Variants in ELAPOR2 observed in about 807,000 individuals in gnomAD.
ELAPOR2 encodes endosome-lysosome associated apoptosis and autophagy regulator family member 2, also known as endosome/lysosome-associated apoptosis and autophagy regulator family member 2.
A neutral mutation model predicts 120.7 loss-of-function variants in ELAPOR2; 89 were observed. The ratio of observed to expected loss-of-function variants is 0.74; its 90% CI spans 0.62 to 0.88. The LOEUF is 0.88. Among genes scored for constraint, ELAPOR2 ranks in the 40% least tolerant of loss-of-function variants. ELAPOR2 has a pLI of 0.00. For synonymous variants in ELAPOR2, 444 were observed against 444.9 expected (o/e 1.00, Z 0.03); for missense variants, 1,134 against 1,251.6 (o/e 0.91, Z 1.42).
At chr7:87,048,319 G>A (rs1039758545) in intron 1 of ELAPOR2, among the ~76,000 whole-genome samples, 3 of 152,000 alleles carry the variant, frequency 2.0e-5, no homozygotes, top group African/African-American at 7.2e-5. Flanking sequence ...ATGAGATTCT[G>A]TCATTTGCAA....
chr7:87,042,980 C>T (rs1417060474), intron 1 of ELAPOR2, among the ~76,000 whole-genome samples: 2 of 152,178 alleles, frequency 1.3e-5, no homozygotes, highest in Non-Finnish European at 2.9e-5. Flanking sequence ...ATACTACAAA[C>T]ACCTCTACAC....
chr7:86,966,961 T>C (rs867177511), intron 1 of ELAPOR2, among the ~76,000 whole-genome samples: 6 of 152,176 alleles, frequency 3.9e-5, no homozygotes, highest in Non-Finnish European at 8.8e-5. Flanking sequence ...AGATTCTCAC[T>C]TTAAATCTTC....
chr7:86,949,729 A>G (rs1341021969), intron 2 of ELAPOR2, among the ~76,000 whole-genome samples: 2 of 152,178 alleles, frequency 1.3e-5, no homozygotes, highest in Non-Finnish European at 2.9e-5. Context: ...GCACTCTGCT[A>G]ACATACCAGC....
At chr7:86,956,637 C>G (rs1392388099) in intron 2 of ELAPOR2, among the ~76,000 whole-genome samples, 1 of 152,130 alleles carries the variant, frequency 6.6e-6, no homozygotes, top group Non-Finnish European at 1.5e-5. Flanking sequence ...AAGTTCATAT[C>G]TTTTTATAAG....
At chr7:87,043,501 A>C (rs2129016150) in intron 1 of ELAPOR2, among the ~76,000 whole-genome samples, 1 of 151,716 alleles carries the variant, frequency 6.6e-6, no homozygotes, top group South Asian at 2.1e-4. Context: ...ACAGAGCCAA[A>C]GACAAAAACC....
chr7:86,896,895 T>C (rs1257679280), intron 19 of ELAPOR2, among the ~76,000 whole-genome samples: 2 of 152,144 alleles, frequency 1.3e-5, no homozygotes, highest in African/African-American at 2.4e-5. Context: ...TCAAACTTCC[T>C]TCAGACGTTT....
At chr7:87,006,374 G>T (rs919909977) in intron 1 of ELAPOR2, among the ~76,000 whole-genome samples, 7 of 151,798 alleles carry the variant, frequency 4.6e-5, no homozygotes, top group African/African-American at 1.5e-4. Flanking sequence ...AGGCCTGTTG[G>T]GGGGTGGGGG....
At chr7:87,050,076 T>G (rs1334187098) in intron 1 of ELAPOR2, among the ~76,000 whole-genome samples, 1 of 152,168 alleles carries the variant, frequency 6.6e-6, no homozygotes, top group East Asian at 1.9e-4. Flanking sequence ...CTTTCCTACC[T>G]CCTAAACCTG....
intron 2 of ELAPOR2, among the ~76,000 whole-genome samples, chr7:86,962,289 A>G (rs998269458): frequency 2.6e-5 from 4 of 152,242 alleles, no homozygotes; most frequent in African/African-American, 4.8e-5. Flanking sequence ...GAAAAGAGAT[A>G]CCCAATTACA....
chr7:86,947,867 C>T lies in ELAPOR2; in HGVS notation c.366G>A (p.Lys122=), dbSNP rs1791072476. 1.3e-6 allele frequency: 2 copies of T among 1,552,140 alleles called. No individual in the cohort carries two copies. Among genetic ancestry groups the T allele is most frequent in the African/African-American group, 1.4e-5 (1 of 73,046 alleles). Residue 122 remains lysine (K), a synonymous_variant, in exon 3 of 22, where the codon AAG becomes AAA. Transcript: ENST00000450689. ...YLEMKNQVCS[K]CGEGTYSLGS... is the part of the protein sequence containing the mutation. ...CCAAGGAATAGGTGCCTTCACCACA[C>T]TTACTGCATACCTGGTTCTTCATTT...
Position 87,046,783 on chromosome 7 carries a change from T to C in ELAPOR2, c.189+12542A>G, listed in dbSNP as rs115706220. Among the ~76,000 whole-genome samples the C allele has an allele frequency of 8.0e-3, 1,222 of 152,252 alleles. 17 individuals are homozygous for C. Among genetic ancestry groups the C allele is most frequent in the African/African-American group, 0.028 (1,173 of 41,554 alleles). The stretch of plus-strand genomic sequence containing the variant: ...TGATTGTTAAGTTTCCTGAGGCCTC[T>C]GCAGCCATGTGGAGCTGTGAGTCAA... On this transcript the variant is annotated intron_variant, in intron 1 of 21. Coordinates refer to ENST00000450689, the MANE Select transcript of ELAPOR2 (RefSeq NM_001142749.3).
intron 2 of ELAPOR2, among the ~76,000 whole-genome samples, chr7:86,950,435 G>T (rs144680882): frequency 6.6e-6 from 1 of 152,292 alleles, no homozygotes; most frequent in East Asian, 1.9e-4. Flanking sequence ...CCAAGTCAAG[G>T]CTGTAACAGC....
At chr7:87,003,334 C>T (rs1212431077) in intron 1 of ELAPOR2, among the ~76,000 whole-genome samples, 2 of 152,046 alleles carry the variant, frequency 1.3e-5, no homozygotes. Flanking sequence ...TCTGGTTTGG[C>T]TCTGTATCCC....
At chr7:86,946,291 G>A (rs1176764331) in intron 3 of ELAPOR2, among the ~76,000 whole-genome samples, 1 of 152,098 alleles carries the variant, frequency 6.6e-6, no homozygotes, top group African/African-American at 2.4e-5. Flanking sequence ...TATACTACTG[G>A]TGGGAGTCTA....
chr7:86,912,879 C>T (rs564737081), intron 14 of ELAPOR2, 62 bp downstream of exon 14: 25 of 1,561,820 alleles, frequency 1.6e-5, no homozygotes, highest in Admixed American at 5.2e-5. Context: ...TTAAGGAGAA[C>T]GCTTGAATTT....
intron 1 of ELAPOR2, among the ~76,000 whole-genome samples, chr7:87,051,297 T>C (rs1392566868): frequency 2.0e-5 from 3 of 152,164 alleles, no homozygotes; most frequent in Non-Finnish European, 4.4e-5. Context: ...TGAAGCCAAG[T>C]AAATTTCAGT....
chr7:87,012,998 C>A (rs1301885289), intron 1 of ELAPOR2, among the ~76,000 whole-genome samples: 1 of 152,172 alleles, frequency 6.6e-6, no homozygotes, highest in Non-Finnish European at 1.5e-5. Flanking sequence ...ATTGCAGTAA[C>A]AAGCCATCAA....
chr7:87,059,436 C>T lies in ELAPOR2; in HGVS notation c.78G>A (p.Ser26=). ...AAATCCAGGCGGGGCTCCAGGGCGG[C>T]GAGCGCCCGCGGCGGGGAGCCTCCG... ...RPAEAPRRGR[S]PPWSPAWICC... is the part of the protein sequence containing the mutation. Residue 26 remains serine, a synonymous_variant, in exon 1 of 22, where the codon TCG becomes TCA. Coordinates refer to ENST00000450689, the MANE Select transcript of ELAPOR2 (RefSeq NM_001142749.3). 1 of 1,231,686 alleles carries T rather than the reference C, an allele frequency of 8.1e-7. No homozygotes were observed. The highest frequency in any genetic ancestry group is 1.0e-6 in the Non-Finnish European group (1 of 984,190). 76.3% of individuals were successfully genotyped at this position (1,231,686 alleles called of 1,614,324 possible). A position where few individuals can be genotyped will look rare whatever the true frequency, so the allele number is the denominator to read the frequency against.
At chr7:86,885,445 T>C (rs1196085952) in intron 21 of ELAPOR2, among the ~76,000 whole-genome samples, 1 of 152,128 alleles carries the variant, frequency 6.6e-6, no homozygotes, top group Non-Finnish European at 1.5e-5. Flanking sequence ...AAAATAAAAG[T>C]GAATGCAAAC....
Sources: allele counts gnomAD v4.1 joint callset (sites outside exome capture counted in the v4.1 genomes callset), GRCh38; gene constraint gnomAD v4.1.1; transcripts MANE v1.5; gene names NCBI Gene and HGNC (gene_info 2026-07-23, HGNC 2026-07-21).